The following FRMD4A variants were observed in gnomAD, a reference collection of about 807,000 sequenced individuals.
FRMD4A encodes the protein FERM domain containing 4A, also known as FERM domain-containing protein 4A.
FRMD4A carries 29 observed loss-of-function variants against 129.1 expected under a neutral mutation model. That is an observed-to-expected ratio of 0.22 (90% CI 0.17 to 0.31). The LOEUF is 0.31. FRMD4A is among the 10% of genes least tolerant of loss of function. The probability of loss-of-function intolerance (pLI) is 1.00; values close to 1 mark genes in which losing one functional copy is unlikely to be tolerated. For synonymous variants in FRMD4A, 634 were observed against 571.6 expected (o/e 1.11, Z -1.56); for missense variants, 1,272 against 1,375.8 (o/e 0.92, Z 1.19).
intron 2 of FRMD4A, among the ~76,000 whole-genome samples, chr10:13,947,245 G>A: frequency 6.6e-6 from 1 of 152,188 alleles, no homozygotes; most frequent in South Asian, 2.1e-4. Context: ...CTAGGAGAAA[G>A]AGGCAAGTTT....
At chr10:14,104,522 G>A (rs1338698759) in intron 2 of FRMD4A, among the ~76,000 whole-genome samples, 1 of 152,220 alleles carries the variant, frequency 6.6e-6, no homozygotes. Flanking sequence ...AGGCCACACA[G>A]AGCCTATCTA....
chr10:14,185,025 T>A (rs1447058617), intron 2 of FRMD4A, among the ~76,000 whole-genome samples: 1 of 152,158 alleles, frequency 6.6e-6, no homozygotes, highest in African/African-American at 2.4e-5. Context: ...GAGAAAGGAA[T>A]GCTTTGAATC....
intron 15 of FRMD4A, among the ~76,000 whole-genome samples, chr10:13,688,491 G>T (rs778111243): frequency 1.3e-5 from 2 of 151,888 alleles, no homozygotes; most frequent in African/African-American, 4.8e-5. Context: ...ACATGTATAC[G>T]TGTGTAACAA....
chr10:13,951,099 G>A (rs895616999), intron 2 of FRMD4A, among the ~76,000 whole-genome samples: 4 of 152,216 alleles, frequency 2.6e-5, no homozygotes, highest in Admixed American at 1.3e-4. Context: ...GGCCGGGAGA[G>A]AGAAGCCAAG....
At chr10:13,815,647 T>C (rs1250645715) in intron 3 of FRMD4A, among the ~76,000 whole-genome samples, 1 of 152,214 alleles carries the variant, frequency 6.6e-6, no homozygotes, top group African/African-American at 2.4e-5. Context: ...TCTGCCACTC[T>C]ACCTCTGTTG....
At chr10:14,230,670 G>T (rs1433580804) in intron 2 of FRMD4A, among the ~76,000 whole-genome samples, 2 of 152,116 alleles carry the variant, frequency 1.3e-5, no homozygotes, top group East Asian at 3.9e-4. Context: ...ACTTTTGCAG[G>T]TTTCTTACAC....
chr10:13,754,526 G>A (rs570649575), intron 8 of FRMD4A, among the ~76,000 whole-genome samples: 31 of 151,796 alleles, frequency 2.0e-4, no homozygotes, highest in African/African-American at 7.5e-4. Flanking sequence ...GGCCCTTAAA[G>A]TCATTTTTAA....
chr10:14,073,569 T>A (rs1400016857), intron 2 of FRMD4A, among the ~76,000 whole-genome samples: 1 of 152,124 alleles, frequency 6.6e-6, no homozygotes, highest in African/African-American at 2.4e-5. Flanking sequence ...TTGGCTGGTG[T>A]CCATGATGGG....
chr10:13,788,535 C>T (rs979060885), intron 5 of FRMD4A, among the ~76,000 whole-genome samples: 3 of 152,212 alleles, frequency 2.0e-5, no homozygotes, highest in Non-Finnish European at 4.4e-5. Flanking sequence ...CTGCTGGCCT[C>T]ACCACAGCTG....
chr10:13,923,967 C>T (rs2095101757), intron 2 of FRMD4A, among the ~76,000 whole-genome samples: 1 of 152,238 alleles, frequency 6.6e-6, no homozygotes, highest in Non-Finnish European at 1.5e-5. Flanking sequence ...GCATGTGCCA[C>T]ATGTCAATGA....
At chr10:13,802,845 G>A (rs985661365) in intron 4 of FRMD4A, among the ~76,000 whole-genome samples, 1 of 152,048 alleles carries the variant, frequency 6.6e-6, no homozygotes, top group Non-Finnish European at 1.5e-5. Flanking sequence ...GAAGAATGTT[G>A]ATATATTTAG....
chr10:13,682,553 T>C (rs2084704876), intron 15 of FRMD4A, among the ~76,000 whole-genome samples: 1 of 143,924 alleles, frequency 6.9e-6, no homozygotes, highest in Non-Finnish European at 1.5e-5. Flanking sequence ...AAAGCTGGAG[T>C]GCAGTGGCCT....
At chr10:13,731,330 C>T (rs967217379) in intron 12 of FRMD4A, among the ~76,000 whole-genome samples, 5 of 152,102 alleles carry the variant, frequency 3.3e-5, no homozygotes, top group African/African-American at 4.8e-5. Flanking sequence ...GAGCTGATGA[C>T]GGGACATTTA....
At chr10:14,081,077 C>A (rs1384504376) in intron 2 of FRMD4A, among the ~76,000 whole-genome samples, 1 of 151,988 alleles carries the variant, frequency 6.6e-6, no homozygotes, top group African/African-American at 2.4e-5. Flanking sequence ...TTAGTAAGTA[C>A]CATTAAGTTT....
intron 2 of FRMD4A, among the ~76,000 whole-genome samples, chr10:13,931,373 A>G (rs1033612475): frequency 1.3e-5 from 2 of 152,122 alleles, no homozygotes; most frequent in Admixed American, 1.3e-4. Flanking sequence ...CTGCAGTTTT[A>G]GCACTGGCCA....
intron 2 of FRMD4A, among the ~76,000 whole-genome samples, chr10:13,888,545 G>A (rs1038852862): frequency 1.2e-4 from 18 of 152,164 alleles, no homozygotes; most frequent in African/African-American, 4.3e-4. Flanking sequence ...GAGAACTCCT[G>A]TTTTAGCTCA....
intron 2 of FRMD4A, among the ~76,000 whole-genome samples, chr10:14,130,032 T>G (rs10906602): frequency 0.39 from 59,011 of 151,902 alleles, 11,842 homozygotes; most frequent in East Asian, 0.58. Context: ...TCTGTCACTG[T>G]ATTCTGGCTG....
chr10:14,315,609 C>T (rs1846710099), intron 2 of FRMD4A, among the ~76,000 whole-genome samples: 1 of 152,164 alleles, frequency 6.6e-6, no homozygotes, highest in Admixed American at 6.6e-5. Flanking sequence ...TAATGCTTTC[C>T]ATTGTTTACA....
chr10:13,973,899 T>C (rs2095530869), intron 2 of FRMD4A, among the ~76,000 whole-genome samples: 1 of 152,156 alleles, frequency 6.6e-6, no homozygotes, highest in African/African-American at 2.4e-5. Context: ...ACATGCAAGA[T>C]ATATTATAGT....
Sources: allele counts gnomAD v4.1 joint callset (sites outside exome capture counted in the v4.1 genomes callset), GRCh38; gene constraint gnomAD v4.1.1; transcripts MANE v1.5; gene names NCBI Gene and HGNC (gene_info 2026-07-23, HGNC 2026-07-21).